The following OTUD7B variants were observed in gnomAD, a reference collection of about 807,000 sequenced individuals.
The protein encoded by OTUD7B is OTU domain-containing protein 7B.
Under a neutral mutation model 82.2 loss-of-function variants are expected in OTUD7B, and 34 were observed. That is an observed-to-expected ratio of 0.41 (90% confidence interval 0.31 to 0.55). The LOEUF (loss-of-function observed/expected upper bound fraction) is 0.55. OTUD7B is among the 20% of genes least tolerant of loss of function. The pLI, the probability that OTUD7B is intolerant of heterozygous loss-of-function variation, is 0.20. For missense variants in OTUD7B, 944 were observed against 1,062.1 expected, an observed-to-expected ratio of 0.89 and a Z score of 1.55; for synonymous variants, 398 against 402.7, an observed-to-expected ratio of 0.99 and a Z score of 0.14.
At chr1:150,020,707 C>T in the OTUD7B span, among the ~76,000 whole-genome samples, 1 of 152,154 alleles carries the variant, frequency 6.6e-6, no homozygotes, top group Non-Finnish European at 1.5e-5. Flanking sequence ...TGTTTCTCTG[C>T]TATTTCTGAA....
the OTUD7B span, chr1:150,067,489 C>G: frequency 4.2e-6 from 1 of 235,466 alleles, no homozygotes; most frequent in African/African-American, 2.2e-5. Flanking sequence ...AAACCTTGTG[C>G]CAGGTTCCTC....
chr1:149,950,098 C>T lies in OTUD7B; in HGVS notation c.969G>A (p.Gly323=), dbSNP rs587750073. ...VADTMLRDSG[G]EAFAPIPFGG... The stretch of plus-strand genomic sequence containing the variant: ...AGGACTGACTGGCTGACTCACCTTC[C>T]CCTCCGGAGTCCCTCAGCATGGTGT... Residue 323 remains glycine (G), a synonymous_variant, in exon 8 of 12, where the codon GGG becomes GGA. Coordinates refer to ENST00000581312, the MANE Select transcript of OTUD7B (RefSeq NM_020205.4). 2.4e-5 allele frequency: 39 copies of T among 1,613,900 alleles called. No homozygotes were observed. The South Asian group carries it at 4.0e-4, about 16-fold the overall frequency.
chr1:150,048,368 C>A, the OTUD7B span: 4 of 152,058 alleles, frequency 2.6e-5, no homozygotes, highest in Admixed American at 2.6e-4. Context: ...GGATCTAACA[C>A]CATTTGGGGG....
chr1:149,959,239 A>AAG (rs1559836090), intron 7 of OTUD7B, among the ~76,000 whole-genome samples: 1 of 296 alleles, frequency 3.4e-3, no homozygotes, highest in Non-Finnish European at 7.8e-3. Context: ...AAGAAAAAAA[A>AAG]GAAAGAAAAA....
the OTUD7B span, chr1:150,055,106 C>T: frequency 1.3e-5 from 2 of 151,552 alleles, no homozygotes; most frequent in Admixed American, 6.8e-5. Context: ...GGCCTGATCT[C>T]GGCTCACTGC....
chr1:150,026,741 GA>G, the OTUD7B span, among the ~76,000 whole-genome samples: 1 of 152,102 alleles, frequency 6.6e-6, no homozygotes, highest in African/African-American at 2.4e-5. Context: ...AGAGAAAAGT[GA>G]AAAGTGAAGA....
intron 1 of OTUD7B, among the ~76,000 whole-genome samples, chr1:149,981,047 CA>C (rs1571683176): frequency 1.5e-5 from 2 of 132,362 alleles, no homozygotes; most frequent in African/African-American, 5.7e-5. Flanking sequence ...AAAAGCAAAC[CA>C]AACACACAGT....
chr1:150,028,932 C>G, the OTUD7B span, among the ~76,000 whole-genome samples: 3 of 152,116 alleles, frequency 2.0e-5, no homozygotes, highest in African/African-American at 7.2e-5. Context: ...CAAGGTTCAT[C>G]CATATTGTAG....
rs1305818073 is a variant in OTUD7B at position 149,941,542 on chromosome 1, G to A, written c.*2315C>T. ...ACTCACCTTGGGCACAAAATTTAAG[G>A]AGTGCCAAAAAACCCAGTAACCAAG... is the stretch of plus-strand genomic sequence containing the variant. On this transcript the variant is annotated 3_prime_UTR_variant, in exon 12 of 12. Coordinates refer to ENST00000581312, the MANE Select transcript of OTUD7B (RefSeq NM_020205.4). 2.6e-5 allele frequency: 4 copies of A among 152,066 alleles called. No individual in the cohort carries two copies. The highest frequency in any genetic ancestry group is 9.7e-5 in the African/African-American group (4 of 41,396). 9.4% of individuals were successfully genotyped at this position (152,066 alleles called of 1,614,324 possible). A position where few individuals can be genotyped will look rare whatever the true frequency, so the allele number is the denominator to read the frequency against.
the OTUD7B span, among the ~76,000 whole-genome samples, chr1:150,020,769 A>G: frequency 6.6e-6 from 1 of 152,242 alleles, no homozygotes; most frequent in East Asian, 1.9e-4. Flanking sequence ...ATTTATCTTG[A>G]AAATTTTCTC....
Position 149,944,583 on chromosome 1 carries a change from G to A in OTUD7B, c.1806C>T (p.Ala602=). 1 of 1,614,090 alleles carries A rather than the reference G, an allele frequency of 6.2e-7. No individual in the cohort carries two copies. The highest frequency in any genetic ancestry group is 8.5e-7 in the Non-Finnish European group (1 of 1,180,020). ...AAATAAACTTCCCCTCCCCTTGCAT[G>A]GCAGTCCTCAGAATGCTCAGGCTCT... ...VMQSLSILRT[A]MQGEGKFIFV... The change falls in exon 12 of 12, where the codon GCC becomes GCT. Residue 602 remains alanine (A), a synonymous_variant. Transcript: ENST00000581312.
At chr1:149,987,637 AG>A (rs1380530562) in intron 1 of OTUD7B, among the ~76,000 whole-genome samples, 1 of 152,074 alleles carries the variant, frequency 6.6e-6, no homozygotes, top group Non-Finnish European at 1.5e-5. Context: ...TGCCCAACAT[AG>A]CCCCCTCCCT....
At position 149,942,301 on chromosome 1, in the gene OTUD7B, T is replaced by C. The variant is rs1416255409; in HGVS notation, c.*1556A>G. The C allele has an allele frequency of 1.3e-5, 2 of 152,652 alleles. No homozygotes were observed. The highest frequency in any genetic ancestry group is 2.9e-5 in the Non-Finnish European group (2 of 68,052). The allele number at this position is 152,652 out of a possible 1,614,324, so 9.5% of individuals were successfully genotyped here. On this transcript the variant is annotated 3_prime_UTR_variant, in exon 12 of 12. Coordinates refer to ENST00000581312, the MANE Select transcript of OTUD7B (RefSeq NM_020205.4). Reference sequence around the variant, plus strand: ...CCCGGGAGTGTATACAATTGCATAGTTGACTTTTTTTCCCGGAAAAAAATA... The same window carrying C: ...CCCGGGAGTGTATACAATTGCATAGCTGACTTTTTTTCCCGGAAAAAAATA...
intron 7 of OTUD7B, among the ~76,000 whole-genome samples, chr1:149,957,432 G>A (rs1648769796): frequency 6.7e-6 from 1 of 149,216 alleles, no homozygotes; most frequent in Non-Finnish European, 1.5e-5. Context: ...TGTATAAGAT[G>A]TCAGTCAGCC....
the OTUD7B span, among the ~76,000 whole-genome samples, chr1:150,017,031 T>C: frequency 2.6e-5 from 4 of 152,254 alleles, no homozygotes; most frequent in Non-Finnish European, 5.9e-5. Context: ...ATCAGTCAAC[T>C]GGAATTTAGC....
chr1:150,019,682 T>G, the OTUD7B span, among the ~76,000 whole-genome samples: 29 of 152,232 alleles, frequency 1.9e-4, no homozygotes, highest in Admixed American at 1.9e-3. Context: ...AAAGGGAAAT[T>G]TATCTACTGC....
chr1:149,992,719 G>A (rs587629355), intron 1 of OTUD7B, among the ~76,000 whole-genome samples: 7 of 152,102 alleles, frequency 4.6e-5, no homozygotes, highest in Non-Finnish European at 1.0e-4. Context: ...TGATCCACCC[G>A]CCTCAGTCTC....
chr1:149,958,270 C>T (rs1203228620), intron 7 of OTUD7B, among the ~76,000 whole-genome samples: 3 of 150,806 alleles, frequency 2.0e-5, no homozygotes, highest in African/African-American at 7.3e-5. Flanking sequence ...TATATAATTT[C>T]ATCCATTTTT....
intron 1 of OTUD7B, among the ~76,000 whole-genome samples, chr1:149,997,592 C>A (rs1652000651): frequency 6.6e-6 from 1 of 152,142 alleles, no homozygotes; most frequent in African/African-American, 2.4e-5. Context: ...AGACTATGCA[C>A]TTAAATCCAA....
Sources: allele counts gnomAD v4.1 joint callset (sites outside exome capture counted in the v4.1 genomes callset), GRCh38; gene constraint gnomAD v4.1.1; transcripts MANE v1.5; gene names NCBI Gene and HGNC (gene_info 2026-07-23, HGNC 2026-07-21).